The following ZNF560 variants were observed in gnomAD, a reference collection of about 807,000 sequenced individuals.
ZNF560 encodes zinc finger protein 560.
In ZNF560, 54 loss-of-function variants were observed where a neutral mutation model predicts 81.8. The ratio of observed to expected loss-of-function variants is 0.66; its 90% CI spans 0.53 to 0.83. ZNF560 has a LOEUF of 0.83. ZNF560 is among the 40% of genes least tolerant of loss of function. The probability of loss-of-function intolerance (pLI) is 0.00; values close to 1 mark genes in which losing one functional copy is unlikely to be tolerated. For synonymous variants in ZNF560, 321 were observed against 317.9 expected, an observed-to-expected ratio of 1.01 and a Z score of -0.10; for missense variants, 940 against 932.4, an observed-to-expected ratio of 1.01 and a Z score of -0.11.
intron 2 of ZNF560, among the ~76,000 whole-genome samples, chr19:9,491,183 G>A (rs1451986340): frequency 6.6e-6 from 1 of 152,068 alleles, no homozygotes; most frequent in African/African-American, 2.4e-5. Context: ...TGTGATCACG[G>A]CTCACCACAA....
rs1245295297 is a variant in ZNF560 at position 9,490,107 on chromosome 19, G to T, written c.-57+8021C>A. ...GAGGGAATCCTAGACACACAGGAAG[G>T]TTGCACTGAATTTATCACATGTGAT... On this transcript the variant is annotated intron_variant, in intron 2 of 9. Coordinates refer to ENST00000301480, the MANE Select transcript of ZNF560 (RefSeq NM_152476.3). Among the ~76,000 whole-genome samples, 3 of 152,172 alleles carry T rather than the reference G, an allele frequency of 2.0e-5. No individual in the cohort carries two copies. In the East Asian group the frequency reaches 5.8e-4, roughly 29 times the overall value.
chr19:9,462,758 C>G (rs1422595500), downstream of ZNF560, among the ~76,000 whole-genome samples: 3 of 152,004 alleles, frequency 2.0e-5, no homozygotes, highest in African/African-American at 7.2e-5. Flanking sequence ...AGTTATCTTT[C>G]CACATTTTAA....
At chr19:9,468,465 A>T in intron 9 of ZNF560, 131 bp from the exon 10 acceptor site, 1 of 655,700 alleles carries the variant, frequency 1.5e-6, no homozygotes, top group Non-Finnish European at 2.4e-6. Flanking sequence ...TACCTTTTGG[A>T]TTTCCTTCAA....
Position 9,469,158 on chromosome 19 carries a change from G to C in ZNF560, c.559C>G (p.Pro187Ala). ...EWKMCLKTKGPALWQDNFCLK... is the reference protein window; with the variant it reads ...EWKMCLKTKGAALWQDNFCLK... Reference sequence around the variant, plus strand: ...CAAAAATTATCTTGCCAAAGGGCTGGCCCTTTGGTTTTCAGGCACATTTTC... The same window carrying C: ...CAAAAATTATCTTGCCAAAGGGCTGCCCCTTTGGTTTTCAGGCACATTTTC... Residue 187 changes from proline (P) to alanine (A), a missense_variant, in exon 9 of 10, where the codon CCA (proline) becomes GCA (alanine). Pro to Ala is a conservative substitution (Grantham distance 27). Transcript: ENST00000301480. 1 of 1,597,868 alleles carries C rather than the reference G, an allele frequency of 6.3e-7. No individual in the cohort carries two copies. The highest frequency in any genetic ancestry group is 8.5e-7 in the Non-Finnish European group (1 of 1,174,102).
At chr19:9,461,635 T>C (rs2144676548), downstream of ZNF560, among the ~76,000 whole-genome samples, 1 of 152,246 alleles carries the variant, frequency 6.6e-6, no homozygotes, top group Non-Finnish European at 1.5e-5. Flanking sequence ...AGATAGTTAA[T>C]CAAATCAATG....
the ZNF560 span, among the ~76,000 whole-genome samples, chr19:9,505,587 T>A: frequency 6.6e-6 from 1 of 152,250 alleles, no homozygotes; most frequent in African/African-American, 2.4e-5. Flanking sequence ...GTCTTATACT[T>A]TTAGCTCCTT....
chr19:9,476,266 T>G (rs1182569556), intron 2 of ZNF560, among the ~76,000 whole-genome samples: 1 of 152,040 alleles, frequency 6.6e-6, no homozygotes, highest in East Asian at 1.9e-4. Context: ...TGAGTGAGTC[T>G]CACAAGATCT....
the ZNF560 span, among the ~76,000 whole-genome samples, chr19:9,445,910 C>T: frequency 6.6e-6 from 1 of 152,182 alleles, no homozygotes; most frequent in African/African-American, 2.4e-5. Context: ...ATCTATCTCA[C>T]ATTCCAGCTC....
At chr19:9,497,392 G>A (rs533143991) in intron 2 of ZNF560, among the ~76,000 whole-genome samples, 68 of 151,566 alleles carry the variant, frequency 4.5e-4, no homozygotes, top group African/African-American at 1.6e-3. Flanking sequence ...AAAATTATCC[G>A]GGCACGGTGG....
At position 9,467,908 on chromosome 19, in the gene ZNF560, G is replaced by C. The variant is rs1222064020; in HGVS notation, c.1039C>G (p.Pro347Ala). 6.2e-7 allele frequency: 1 copy of C among 1,613,996 alleles called. No homozygotes were observed. The highest frequency in any genetic ancestry group is 1.7e-5 in the Admixed American group (1 of 59,994). ...VNVETHIIKN[P>A]YECKECGKDF... is the part of the protein sequence containing the mutation. The stretch of plus-strand genomic sequence containing the variant: ...TTTCCACATTCCTTACATTCATAGG[G>C]GTTTTTAATAATGTGTGTTTCAACA... Residue 347 changes from proline (P) to alanine (A), a missense_variant, in exon 10 of 10, where the codon CCC becomes GCC. Physicochemically the swap from Pro to Ala is conservative, Grantham distance 27. Coordinates refer to ENST00000301480, the MANE Select transcript of ZNF560 (RefSeq NM_152476.3).
At chr19:9,485,536 C>T (rs1377792679) in intron 2 of ZNF560, among the ~76,000 whole-genome samples, 2 of 146,424 alleles carry the variant, frequency 1.4e-5, no homozygotes, top group African/African-American at 5.0e-5. Context: ...TGCTGAAGAA[C>T]ATTAACCAAA....
downstream of ZNF560, among the ~76,000 whole-genome samples, chr19:9,465,513 T>C (rs1479484533): frequency 6.6e-6 from 1 of 152,174 alleles, no homozygotes; most frequent in Non-Finnish European, 1.5e-5. Flanking sequence ...ATTCCAACGG[T>C]TCTCCCACAT....
upstream of ZNF560, among the ~76,000 whole-genome samples, chr19:9,502,105 A>C (rs937728988): frequency 1.3e-5 from 2 of 151,796 alleles, no homozygotes; most frequent in African/African-American, 4.8e-5. Context: ...AGTGAGCTGA[A>C]ATCATGCCAC....
intron 2 of ZNF560, among the ~76,000 whole-genome samples, chr19:9,488,288 C>G (rs985442611): frequency 2.6e-5 from 4 of 152,154 alleles, no homozygotes; most frequent in African/African-American, 9.7e-5. Context: ...TTAGACTTTC[C>G]AACCAGCAGA....
At chr19:9,463,569 G>A (rs116158802), downstream of ZNF560, among the ~76,000 whole-genome samples, 1,865 of 152,268 alleles carry the variant, frequency 0.012, 39 homozygotes, top group African/African-American at 0.043. Context: ...ACAGTTAAAC[G>A]CAACAAAGAT....
At chr19:9,486,797 C>G (rs895748474) in intron 2 of ZNF560, among the ~76,000 whole-genome samples, 10 of 151,724 alleles carry the variant, frequency 6.6e-5, no homozygotes, top group African/African-American at 2.2e-4. Flanking sequence ...TAAAGACTAA[C>G]TTCCTTCAAG....
chr19:9,449,987 A>AC, the ZNF560 span, among the ~76,000 whole-genome samples: 2 of 147,474 alleles, frequency 1.4e-5, no homozygotes, highest in South Asian at 2.2e-4. Flanking sequence ...AAAAAAAAAA[A>AC]AAAAAAAAAA....
upstream of ZNF560, among the ~76,000 whole-genome samples, chr19:9,500,645 C>T (rs940592249): frequency 6.6e-6 from 1 of 151,934 alleles, no homozygotes; most frequent in Non-Finnish European, 1.5e-5. Flanking sequence ...ATGATCTTGG[C>T]TCACTGCAAC....
At chr19:9,480,947 G>C (rs191020829) in intron 2 of ZNF560, among the ~76,000 whole-genome samples, 1 of 151,892 alleles carries the variant, frequency 6.6e-6, no homozygotes, top group Non-Finnish European at 1.5e-5. Flanking sequence ...AGTTGGGTGT[G>C]GTGGTGCACG....
Sources: gnomAD v4.1 joint callset for allele counts (sites outside exome capture counted in the v4.1 genomes callset) on GRCh38, gnomAD v4.1.1 for gene constraint, MANE v1.5 for transcripts, NCBI Gene and HGNC (gene_info 2026-07-23, HGNC 2026-07-21) for gene names.